Variants in PIP5K1A observed in about 807,000 individuals in gnomAD.
PIP5K1A encodes phosphatidylinositol 4-phosphate 5-kinase type-1 alpha.
Under a neutral mutation model 72.9 loss-of-function variants are expected in PIP5K1A, and 46 were observed. The ratio of observed to expected loss-of-function variants is 0.63; its 90% CI spans 0.50 to 0.81. The LOEUF is 0.81. PIP5K1A is among the 30% of genes least tolerant of loss of function. PIP5K1A has a pLI of 0.00. For synonymous variants in PIP5K1A, 228 were observed against 255.1 expected, an observed-to-expected ratio of 0.89 and a Z score of 1.01; for missense variants, 458 against 706.1, an observed-to-expected ratio of 0.65 and a Z score of 3.98.
chr1:151,200,956 A>G (rs1229367436), intron 1 of PIP5K1A, among the ~76,000 whole-genome samples: 1 of 152,002 alleles, frequency 6.6e-6, no homozygotes, highest in African/African-American at 2.4e-5. Context: ...CAGCCTCCCG[A>G]GTAGCTGGGA....
intron 1 of PIP5K1A, among the ~76,000 whole-genome samples, chr1:151,208,818 C>T (rs1366684756): frequency 2.1e-5 from 3 of 144,958 alleles, no homozygotes; most frequent in Non-Finnish European, 4.5e-5. Context: ...CTGCAAGCTC[C>T]GCCTCCTGGG....
At chr1:151,229,934 A>C (rs1043206809) in intron 4 of PIP5K1A, among the ~76,000 whole-genome samples, 1 of 151,886 alleles carries the variant, frequency 6.6e-6, no homozygotes, top group Non-Finnish European at 1.5e-5. Context: ...AAAAAATACA[A>C]AAAATTAGTC....
At chr1:151,239,084 T>C (rs971333947) in intron 10 of PIP5K1A, 46 bp from the exon 11 acceptor site, 3 of 1,417,244 alleles carry the variant, frequency 2.1e-6, no homozygotes, top group Non-Finnish European at 3.0e-6. Flanking sequence ...ATTAAGGTCA[T>C]TTATTTAAAA....
intron 1 of PIP5K1A, among the ~76,000 whole-genome samples, chr1:151,217,133 G>C (rs1258843696): frequency 6.6e-6 from 1 of 152,002 alleles, no homozygotes; most frequent in East Asian, 1.9e-4. Flanking sequence ...GGCTGGTCTT[G>C]AACTCTTGGC....
chr1:151,243,641 T>C (rs894717266), intron 14 of PIP5K1A, among the ~76,000 whole-genome samples: 2 of 152,206 alleles, frequency 1.3e-5, no homozygotes, highest in Non-Finnish European at 2.9e-5. Flanking sequence ...CTTCTGAGTC[T>C]TCCTTTTTCA....
intron 1 of PIP5K1A, among the ~76,000 whole-genome samples, chr1:151,205,301 A>C (rs1196867102): frequency 6.6e-6 from 1 of 151,978 alleles, no homozygotes; most frequent in Non-Finnish European, 1.5e-5. Flanking sequence ...TCAGCCTCCT[A>C]GGTCACTAGG....
At chr1:151,238,363 C>G in intron 10 of PIP5K1A, 98 bp downstream of exon 10, 1 of 812,994 alleles carries the variant, frequency 1.2e-6, no homozygotes, top group Non-Finnish European at 2.1e-6. Flanking sequence ...CTTCCGGAAG[C>G]AAGAACAGTG....
At chr1:151,214,142 C>G (rs587654289) in intron 1 of PIP5K1A, among the ~76,000 whole-genome samples, 1 of 151,998 alleles carries the variant, frequency 6.6e-6, no homozygotes, top group East Asian at 1.9e-4. Context: ...TTTATGACTG[C>G]GCCATGATGT....
chr1:151,249,233 C>A lies in PIP5K1A; in HGVS notation c.*1368C>A, dbSNP rs1373561664. ...AACTGTCTATATTAGACACCCCCAG[C>A]CAGTTTCTGGCTGCCTGTCTTTGCT... On this transcript the variant is annotated 3_prime_UTR_variant, in exon 16 of 16. Transcript: ENST00000368888. The A allele has an allele frequency of 6.6e-6, 1 of 152,160 alleles. No homozygotes were observed. The highest frequency in any genetic ancestry group is 6.5e-5 in the Admixed American group (1 of 15,270). The allele number at this position is 152,160 out of a possible 1,614,324, so 9.4% of individuals were successfully genotyped here. A position where few individuals can be genotyped will look rare whatever the true frequency, so the allele number is the denominator to read the frequency against.
chr1:151,221,946 G>T (rs1027880950), intron 1 of PIP5K1A, among the ~76,000 whole-genome samples: 6 of 152,118 alleles, frequency 3.9e-5, no homozygotes, highest in African/African-American at 1.4e-4. Context: ...AATCAGCTGG[G>T]CATGGTGGTA....
chr1:151,244,571 G>C (rs1202165828), intron 14 of PIP5K1A, among the ~76,000 whole-genome samples: 3 of 152,166 alleles, frequency 2.0e-5, no homozygotes, highest in African/African-American at 7.2e-5. Flanking sequence ...CAGGAGGATC[G>C]CTCGAACCCC....
At chr1:151,195,807 C>A (rs587606758), upstream of PIP5K1A, among the ~76,000 whole-genome samples, 1 of 148,106 alleles carries the variant, frequency 6.8e-6, no homozygotes, top group South Asian at 2.1e-4. Flanking sequence ...CTCTGTTTGA[C>A]TGCGTTGGTC....
In PIP5K1A at chr1:151,242,446, C is replaced by T. The variant is rs756548247; in HGVS notation, c.1519C>T (p.Leu507Phe). 6.2e-7 allele frequency: 1 copy of T among 1,614,062 alleles called. No homozygotes were observed. Among genetic ancestry groups the T allele is most frequent in the Admixed American group, 1.7e-5 (1 of 59,992 alleles). ...CTCTATCTTTTTTCCAGGCGTTCAC[C>T]TTGGTCGTCCTGATGTTTTACCTCA... ...TKAEVEPGVH[L>F]GRPDVLPQTP... Residue 507 changes from leucine to phenylalanine, a missense_variant, in exon 14 of 16, where the codon CTT becomes TTT. Physicochemically the swap from Leu to Phe is conservative, Grantham distance 22 (BLOSUM62 0). Around this residue, in one of 3 missense-constraint regions of PIP5K1A, gnomAD observed 157 missense variants for 175.5 expected, o/e 0.89. Transcript: ENST00000368888.
chr1:151,196,921 C>A (rs1684603462), upstream of PIP5K1A, among the ~76,000 whole-genome samples: 1 of 141,486 alleles, frequency 7.1e-6, no homozygotes, highest in Non-Finnish European at 1.5e-5. Flanking sequence ...AGTGCAATGG[C>A]GCGATCTTGG....
chr1:151,206,191 T>G (rs1685903374), intron 1 of PIP5K1A, among the ~76,000 whole-genome samples: 2 of 152,226 alleles, frequency 1.3e-5, no homozygotes. Flanking sequence ...CTGTCTCCAT[T>G]TTTCTTTATT....
intron 10 of PIP5K1A, chr1:151,238,744 G>T: frequency 4.1e-6 from 1 of 243,526 alleles, no homozygotes; most frequent in Non-Finnish European, 7.9e-6. Flanking sequence ...TTCCTGTAAG[G>T]TTTTAAATAC....
chr1:151,234,602 G>A, intron 8 of PIP5K1A, 106 bp downstream of exon 8: 1 of 807,176 alleles, frequency 1.2e-6, no homozygotes, highest in Non-Finnish European at 2.1e-6. Flanking sequence ...AGCACTGTAT[G>A]TCCTGGGCTG....
chr1:151,207,813 A>G (rs1686151422), intron 1 of PIP5K1A, among the ~76,000 whole-genome samples: 1 of 151,710 alleles, frequency 6.6e-6, no homozygotes, highest in Admixed American at 6.6e-5. Flanking sequence ...GATTACGGGC[A>G]TGAGGCACCA....
In PIP5K1A at chr1:151,234,334, C is replaced by T. The variant is rs757971056; in HGVS notation, c.777C>T (p.Asp259=). The T allele has an allele frequency of 1.2e-6, 2 of 1,614,020 alleles. No homozygotes were observed. The highest frequency in any genetic ancestry group is 1.7e-6 in the Non-Finnish European group (2 of 1,179,944). ...CGGTAAAAATGCATATCAAATATGA[C>T]CTCAAAGGCTCAACCTACAAACGGC... ...PRSVKMHIKY[D]LKGSTYKRRA... is the part of the protein sequence containing the mutation. Residue 259 remains aspartate, a synonymous_variant, in exon 8 of 16, where the codon GAC becomes GAT. Transcript: ENST00000368888.
Sources: allele counts gnomAD v4.1 joint callset (sites outside exome capture counted in the v4.1 genomes callset), GRCh38; gene constraint gnomAD v4.1.1; regional missense constraint gnomAD v4.1.1; transcripts MANE v1.5; gene names NCBI Gene and HGNC (gene_info 2026-07-23, HGNC 2026-07-21).